PTER: variants seen among roughly 807,000 people sequenced by gnomAD.
PTER encodes the protein N-acetyltaurine hydrolase.
In PTER, 38 loss-of-function variants were observed where a neutral mutation model predicts 29.6. The observed-to-expected ratio is 1.28, with a 90% CI of 0.99 to 1.68. PTER has a LOEUF of 1.68. PTER is among the 40% of genes most tolerant of loss of function. PTER has a pLI of 0.00. For missense variants in PTER, 482 were observed against 427.8 expected, an observed-to-expected ratio of 1.13 and a Z score of -1.12; for synonymous variants, 172 against 154.5, an observed-to-expected ratio of 1.11 and a Z score of -0.84.
chr10:16,475,159 A>C (rs1351223569), intron 1 of PTER, among the ~76,000 whole-genome samples: 1 of 152,146 alleles, frequency 6.6e-6, no homozygotes. Context: ...TTAGGATTTC[A>C]ACATAGGAAT....
chr10:16,479,872 A>G (rs927603093), intron 1 of PTER, among the ~76,000 whole-genome samples: 8 of 151,454 alleles, frequency 5.3e-5, no homozygotes, highest in African/African-American at 1.9e-4. Context: ...TCTTCACTTC[A>G]TATTGTCTGC....
At chr10:16,488,855 T>G (rs1835797136) in intron 3 of PTER, among the ~76,000 whole-genome samples, 2 of 152,198 alleles carry the variant, frequency 1.3e-5, no homozygotes. Context: ...TCACTCGTCT[T>G]GGCCTCTCAA....
At chr10:16,494,193 T>C (rs1424821374) in intron 3 of PTER, among the ~76,000 whole-genome samples, 1 of 152,238 alleles carries the variant, frequency 6.6e-6, no homozygotes, top group East Asian at 1.9e-4. Context: ...TAAAAAGCTC[T>C]TCCTGGGATG....
chr10:16,507,251 G>A lies in PTER; in HGVS notation c.839+2091G>A, dbSNP rs559786590. ...AAATATATATACTGTATGTGTATGT[G>A]TATATATATATGTGTGTGTGTATAT... On this transcript the variant is annotated intron_variant, in intron 4 of 4. Transcript: ENST00000535784. Among the ~76,000 whole-genome samples the A allele has an allele frequency of 7.4e-5, 11 of 149,532 alleles. No individual in the cohort carries two copies. The South Asian group carries it at 1.1e-3, about 14-fold the overall frequency.
downstream of PTER, chr10:16,513,882 A>C (rs1836904995): frequency 6.4e-6 from 1 of 155,288 alleles, no homozygotes; most frequent in Admixed American, 6.5e-5. Context: ...TCACCAGAAA[A>C]GAGAGAAAAG....
At chr10:16,450,251 C>T (rs1834158242) in intron 1 of PTER, among the ~76,000 whole-genome samples, 1 of 152,102 alleles carries the variant, frequency 6.6e-6, no homozygotes, top group Admixed American at 6.5e-5. Flanking sequence ...GGGAGTGGGT[C>T]CTGAGGAGAA....
rs373216665 is a variant in PTER, at chr10:16,505,007, G to A, written c.699-13G>A. ...TCTTCATAATAACAGTTCATCTGTC[G>A]CATTGTTTCTAGGACTATTCTTGAT... On this transcript the variant is annotated splice_polypyrimidine_tract_variant and intron_variant, in intron 3 of 4. Coordinates refer to ENST00000535784, the MANE Select transcript of PTER (RefSeq NM_001261836.2). 4.5e-5 allele frequency: 73 copies of A among 1,612,628 alleles called. No individual in the cohort carries two copies. The highest frequency in any genetic ancestry group is 4.4e-4 in the African/African-American group (33 of 74,820).
intron 1 of PTER, among the ~76,000 whole-genome samples, chr10:16,455,999 A>G (rs1006476558): frequency 3.3e-5 from 5 of 152,200 alleles, no homozygotes; most frequent in African/African-American, 1.2e-4. Context: ...CCAGGCCAAC[A>G]GAAACTGAGA....
At chr10:16,446,616 A>T (rs1223036682) in intron 1 of PTER, among the ~76,000 whole-genome samples, 1 of 152,126 alleles carries the variant, frequency 6.6e-6, no homozygotes, top group East Asian at 1.9e-4. Context: ...GATTTGTTAT[A>T]TATATTAAAG....
chr10:16,493,666 A>G (rs1372089520), intron 3 of PTER, among the ~76,000 whole-genome samples: 1 of 151,364 alleles, frequency 6.6e-6, no homozygotes, highest in Non-Finnish European at 1.5e-5. Flanking sequence ...TGCAGAACGT[A>G]TGGAAGGAAG....
chr10:16,484,620 C>T lies in PTER; in HGVS notation c.236C>T (p.Ala79Val), dbSNP rs368682623. 3 of 1,613,858 alleles carry T rather than the reference C, an allele frequency of 1.9e-6. No homozygotes were observed. Among genetic ancestry groups the T allele is most frequent in the African/African-American group, 2.7e-5 (2 of 74,886 alleles). Residue 79 changes from alanine to valine, a missense_variant, in exon 2 of 5, where the codon GCC becomes GTC. Transcript: ENST00000535784. Reference sequence around the variant, plus strand: ...CTTCAATTAAATCAGGAGACAGAAGCCATAAAGGAAGAACTGTTGTATTTT... The same window carrying T: ...CTTCAATTAAATCAGGAGACAGAAGTCATAAAGGAAGAACTGTTGTATTTT... ...ENLQLNQETEAIKEELLYFKA... is the reference protein window; with the variant it reads ...ENLQLNQETEVIKEELLYFKA...
chr10:16,485,834 G>A (rs568342097), intron 2 of PTER, among the ~76,000 whole-genome samples: 8 of 152,076 alleles, frequency 5.3e-5, no homozygotes, highest in Non-Finnish European at 1.0e-4. Flanking sequence ...TGATGCAAGC[G>A]TGTAGTCCTA....
chr10:16,448,619 T>A (rs1007685749), intron 1 of PTER, among the ~76,000 whole-genome samples: 1 of 152,200 alleles, frequency 6.6e-6, no homozygotes, highest in Non-Finnish European at 1.5e-5. Context: ...CCCTGGCATG[T>A]AAATATCTCA....
chr10:16,513,441 T>A lies in PTER; in HGVS notation c.*2185T>A, dbSNP rs1324085770. The A allele has an allele frequency of 6.6e-6, 1 of 152,366 alleles. No homozygotes were observed. Among genetic ancestry groups the A allele is most frequent in the East Asian group, 1.9e-4 (1 of 5,190 alleles). 9.4% of individuals were successfully genotyped at this position (152,366 alleles called of 1,614,324 possible). On this transcript the variant is annotated 3_prime_UTR_variant, in exon 5 of 5. Coordinates refer to ENST00000535784, the MANE Select transcript of PTER (RefSeq NM_001261836.2). ...ATATGTTTTATACATAAATAAAACA[T>A]TTCATCTAATATATATATGTGTGTG...
At position 16,484,698 on chromosome 10, in the gene PTER, G is replaced by A. The variant is rs1375282343; in HGVS notation, c.314G>A (p.Arg105Gln). The part of the protein sequence containing the change: ...LVENTTTGIS[R>Q]DTQTLKRLAE... ...GAAAACACAACCACTGGGATTAGCC[G>A]AGACACACAGACGTTGAAGAGGCTT... The change falls in exon 2 of 5, where the codon CGA (arginine) becomes CAA (glutamine). Residue 105 changes from arginine to glutamine, a missense_variant. Arg to Gln is a conservative substitution (Grantham distance 43). Transcript: ENST00000535784. 14 of 1,614,042 alleles carry A rather than the reference G, an allele frequency of 8.7e-6. No individual in the cohort carries two copies. The highest frequency in any genetic ancestry group is 1.1e-5 in the South Asian group (1 of 91,086).
rs1413273520 is a variant in PTER at position 16,497,407 on chromosome 10, T to A, written c.699-7613T>A. On this transcript the variant is annotated intron_variant, in intron 3 of 4. Coordinates refer to ENST00000535784, the MANE Select transcript of PTER (RefSeq NM_001261836.2). ...TGTTTTTTAGCACATTTAACTATAA[T>A]TATTAGCTTAAACATCTTCCTTCTG... 2.6e-5 allele frequency among the ~76,000 whole-genome samples: 4 copies of A among 152,262 alleles called. No homozygotes were observed. In the East Asian group the frequency reaches 7.7e-4, roughly 29 times the overall value.
intron 1 of PTER, among the ~76,000 whole-genome samples, chr10:16,457,192 G>T (rs563257166): frequency 6.7e-6 from 1 of 150,004 alleles, no homozygotes; most frequent in Admixed American, 6.7e-5. Flanking sequence ...TAACCCTTTA[G>T]TTGTTTTGTT....
intron 1 of PTER, among the ~76,000 whole-genome samples, chr10:16,473,125 G>T (rs1835116516): frequency 6.6e-6 from 1 of 151,784 alleles, no homozygotes; most frequent in Admixed American, 6.6e-5. Context: ...TTTAATTAAG[G>T]TATAAACTAG....
chr10:16,441,837 T>G (rs1202137043), intron 1 of PTER, among the ~76,000 whole-genome samples: 1 of 152,216 alleles, frequency 6.6e-6, no homozygotes, highest in Non-Finnish European at 1.5e-5. Flanking sequence ...TTTCACAGGT[T>G]GTGGTTCTTA....
Sources: gnomAD v4.1 joint callset for allele counts (sites outside exome capture counted in the v4.1 genomes callset) on GRCh38, gnomAD v4.1.1 for gene constraint, MANE v1.5 for transcripts, NCBI Gene and HGNC (gene_info 2026-07-23, HGNC 2026-07-21) for gene names.